The following TNFRSF8 variants were observed in gnomAD, a reference collection of about 807,000 sequenced individuals.
TNFRSF8 encodes the protein tumor necrosis factor receptor superfamily member 8.
TNFRSF8 carries 26 observed loss-of-function variants against 70.8 expected under a neutral mutation model. The ratio of observed to expected loss-of-function variants is 0.37; its 90% confidence interval spans 0.27 to 0.51. The LOEUF is 0.51. Ranked by LOEUF, TNFRSF8 falls within the 20% of genes least tolerant of loss-of-function variation. TNFRSF8 has a pLI of 0.94. For synonymous variants in TNFRSF8, 356 were observed against 339.2 expected (o/e 1.05, Z -0.54); for missense variants, 720 against 807.9 (o/e 0.89, Z 1.32).
chr1:12,117,206 C>T (rs573342835), intron 8 of TNFRSF8, among the ~76,000 whole-genome samples: 1 of 152,192 alleles, frequency 6.6e-6, no homozygotes, highest in Admixed American at 6.5e-5. Context: ...CCTCAGCCTC[C>T]CGAGTAGCTG....
chr1:12,111,430 C>G (rs112153561), intron 6 of TNFRSF8, among the ~76,000 whole-genome samples: 22 of 152,124 alleles, frequency 1.4e-4, no homozygotes, highest in African/African-American at 5.3e-4. Context: ...AATCCACCCG[C>G]CTCAGCCTCC....
chr1:12,073,599 T>C (rs992752865), intron 1 of TNFRSF8, among the ~76,000 whole-genome samples: 6 of 150,404 alleles, frequency 4.0e-5, no homozygotes, highest in African/African-American at 1.5e-4. Context: ...TTTCTTTTTT[T>C]TTTTTCATTT....
chr1:12,084,358 T>A (rs774216472), intron 1 of TNFRSF8, 106 bp from the exon 2 acceptor site: 1 of 987,700 alleles, frequency 1.0e-6, no homozygotes, highest in African/African-American at 1.6e-5. Context: ...CTGATTTCTC[T>A]CCTATATTAC....
intron 1 of TNFRSF8, among the ~76,000 whole-genome samples, chr1:12,078,344 A>C (rs1641003356): frequency 6.6e-6 from 1 of 152,078 alleles, no homozygotes; most frequent in Admixed American, 6.5e-5. Context: ...TGGGTGGCTC[A>C]TTTGAGGTCA....
At chr1:12,076,910 G>A (rs191692571) in intron 1 of TNFRSF8, among the ~76,000 whole-genome samples, 13 of 152,154 alleles carry the variant, frequency 8.5e-5, no homozygotes, top group Admixed American at 3.3e-4. Context: ...AGGGTGTGGC[G>A]GTAGACGCAT....
intron 1 of TNFRSF8, among the ~76,000 whole-genome samples, chr1:12,072,692 C>T (rs1428599824): frequency 6.6e-6 from 1 of 152,206 alleles, no homozygotes; most frequent in Non-Finnish European, 1.5e-5. Flanking sequence ...TTCATTTCAG[C>T]CATCAACTTT....
In TNFRSF8 at chr1:12,088,248, A is replaced by G. The variant is rs1641188671; in HGVS notation, c.151+3697A>G. On this transcript the variant is annotated intron_variant, in intron 2 of 14. Transcript: ENST00000263932. This position sits in a 1 kb window ranked among gnomAD's most constrained non-coding sequence, Gnocchi z 4.0. ...ACTCTTGGTGACGGGGAGCTCATTC[A>G]CTGACTCATAACAATGACCACGATT... Among the ~76,000 whole-genome samples, 1 of 152,080 alleles carries G rather than the reference A, an allele frequency of 6.6e-6. No homozygotes were observed. Among genetic ancestry groups the G allele is most frequent in the Admixed American group, 6.6e-5 (1 of 15,264 alleles).
At chr1:12,133,017 A>G (rs1170223020) in intron 12 of TNFRSF8, among the ~76,000 whole-genome samples, 2 of 152,096 alleles carry the variant, frequency 1.3e-5, no homozygotes, top group Non-Finnish European at 2.9e-5. Context: ...ACCGCCAAGG[A>G]GGCCCCTGCT....
intron 2 of TNFRSF8, among the ~76,000 whole-genome samples, chr1:12,084,988 G>C (rs989746991): frequency 2.6e-5 from 4 of 152,204 alleles, no homozygotes; most frequent in African/African-American, 9.6e-5. Flanking sequence ...GGAAATGGTG[G>C]AATGATCAGG....
rs1195049433 is a variant in TNFRSF8, at chr1:12,108,082, ATT to A, written c.422-1471_422-1470del. ...CACACATACAGGCCACCATTTTTTT[ATT>A]TTTTTTTTTTTTGTGATGGAGCCTC... On this transcript the variant is annotated intron_variant, in intron 4 of 14. Coordinates refer to ENST00000263932, the MANE Select transcript of TNFRSF8 (RefSeq NM_001243.5). This position sits in a 1 kb window ranked among gnomAD's most constrained non-coding sequence, Gnocchi z 4.0. Among the ~76,000 whole-genome samples, 2 of 138,806 alleles carry A rather than the reference ATT, an allele frequency of 1.4e-5. No individual in the cohort carries two copies. The highest frequency in any genetic ancestry group is 1.6e-5 in the Non-Finnish European group (1 of 63,396). The allele number at this position is 138,806 out of a possible 152,430, so 91.1% of individuals were successfully genotyped here.
intron 4 of TNFRSF8, among the ~76,000 whole-genome samples, chr1:12,107,049 C>G (rs778727783): frequency 3.3e-5 from 5 of 152,238 alleles, no homozygotes; most frequent in Non-Finnish European, 7.3e-5. Context: ...CCCCTGGACC[C>G]CAGCTGCCCA....
At position 12,123,721 on chromosome 1, in the gene TNFRSF8, C is replaced by T. The variant is rs200395175; in HGVS notation, c.1047C>T (p.Ser349=). The T allele has an allele frequency of 2.5e-5, 39 of 1,563,270 alleles. No individual in the cohort carries two copies. The East Asian group carries it at 7.6e-4, about 31-fold the overall frequency. The change falls in exon 10 of 15, where the codon AGC becomes AGT. Residue 349 remains serine, a synonymous_variant. Transcript: ENST00000263932. Reference sequence around the variant, plus strand: ...CTTGGGCTTCTCCCCGCAGCACCAGCCCCACTCAGAGCTTGCTGGTGGACT... The same window carrying T: ...CTTGGGCTTCTCCCCGCAGCACCAGTCCCACTCAGAGCTTGCTGGTGGACT... ...PENGEAPAST[S]PTQSLLVDSQ...
chr1:12,131,450 A>G (rs1557604230), intron 12 of TNFRSF8, among the ~76,000 whole-genome samples: 1 of 152,206 alleles, frequency 6.6e-6, no homozygotes, highest in African/African-American at 2.4e-5. Context: ...CCTCCGTCTC[A>G]AAACAAACAA....
At chr1:12,134,623 C>T (rs1206080378) in intron 12 of TNFRSF8, among the ~76,000 whole-genome samples, 2 of 152,158 alleles carry the variant, frequency 1.3e-5, no homozygotes, top group East Asian at 1.9e-4. Flanking sequence ...TGAGATGGCC[C>T]GAGAGCAGTT....
At chr1:12,126,134 CT>C (rs745917365) in intron 11 of TNFRSF8, 48 bp from the exon 12 acceptor site, 4 of 1,613,894 alleles carry the variant, frequency 2.5e-6, no homozygotes, top group Non-Finnish European at 1.7e-6. Context: ...CTGCCTGCTC[CT>C]GCTCTCTGAG....
chr1:12,066,354 ATT>A (rs113285006), intron 1 of TNFRSF8, among the ~76,000 whole-genome samples: 10 of 140,796 alleles, frequency 7.1e-5, no homozygotes, highest in Admixed American at 1.4e-4. Flanking sequence ...TGAGTTTAAA[ATT>A]TTTTTTTTTT....
intron 12 of TNFRSF8, among the ~76,000 whole-genome samples, chr1:12,128,869 C>T (rs548530338): frequency 7.2e-6 from 1 of 138,252 alleles, no homozygotes; most frequent in East Asian, 2.1e-4. Context: ...GAGTCTCGCT[C>T]TGTCACCCAG....
chr1:12,110,078 C>A lies in TNFRSF8; in HGVS notation c.550C>A (p.Pro184Thr), dbSNP rs754184477. ...CCAGGCCAAGCCCACCCCGGTGTCC[C>A]CAGCAACCTCCAGTGCCAGCACCAT... ...IPQAKPTPVSPATSSASTMPV... is the reference protein window; with the variant it reads ...IPQAKPTPVSTATSSASTMPV... The change falls in exon 6 of 15, where the codon CCA (proline) becomes ACA (threonine). Residue 184 changes from proline to threonine, a missense_variant. Physicochemically the swap from Pro to Thr is conservative, Grantham distance 38 (BLOSUM62 -1). Coordinates refer to ENST00000263932, the MANE Select transcript of TNFRSF8 (RefSeq NM_001243.5). This position sits in a 1 kb window ranked among gnomAD's most constrained non-coding sequence, Gnocchi z 4.0. The A allele has an allele frequency of 6.2e-7, 1 of 1,613,490 alleles. No homozygotes were observed. Among genetic ancestry groups the A allele is most frequent in the Non-Finnish European group, 8.5e-7 (1 of 1,179,746 alleles).
chr1:12,142,314 C>CCGTGAT lies in TNFRSF8; in HGVS notation c.1576_1581dup (p.Ile526_Val527dup). The CCGTGAT allele has an allele frequency of 6.2e-7, 1 of 1,602,582 alleles. No individual in the cohort carries two copies. The highest frequency in any genetic ancestry group is 8.5e-7 in the Non-Finnish European group (1 of 1,174,386). ...AAAATCTACATCATGAAGGCTGACA[C>CCGTGAT]CGTGATCGTGGGGACCGTGAAGGCT... is the stretch of plus-strand genomic sequence containing the variant. On this transcript the variant is annotated inframe_insertion, in exon 15 of 15. Transcript: ENST00000263932. The surrounding 1 kb of genome is among the most constrained non-coding windows in gnomAD (Gnocchi z 5.0).
Sources: allele counts gnomAD v4.1 joint callset (sites outside exome capture counted in the v4.1 genomes callset), GRCh38; gene constraint gnomAD v4.1.1; non-coding constraint Gnocchi (gnomAD v3.1); transcripts MANE v1.5; gene names NCBI Gene and HGNC (gene_info 2026-07-23, HGNC 2026-07-21).